Variants in CLMP observed in about 807,000 individuals in gnomAD.
CLMP encodes CXADR-like membrane protein.
CLMP carries 27 observed loss-of-function variants against 45.2 expected under a neutral mutation model. The observed-to-expected ratio is 0.60, with a 90% CI of 0.44 to 0.82. The LOEUF is 0.82. CLMP is among the 40% of genes least tolerant of loss of function. The pLI is 0.00. For missense variants in CLMP, 403 were observed against 448.4 expected (o/e 0.90, Z 0.91); for synonymous variants, 167 against 171.4 (o/e 0.97, Z 0.20).
At chr11:123,090,107 T>C (rs561722488) in intron 2 of CLMP, among the ~76,000 whole-genome samples, 1 of 147,610 alleles carries the variant, frequency 6.8e-6, no homozygotes, top group Non-Finnish European at 1.5e-5. Context: ...AAAAAAAAAA[T>C]TTCTTATCAT....
chr11:123,163,661 C>T (rs1861515984), intron 1 of CLMP, among the ~76,000 whole-genome samples: 1 of 152,172 alleles, frequency 6.6e-6, no homozygotes, highest in Non-Finnish European at 1.5e-5. Context: ...ACCACTGGCC[C>T]CTAGGGCCTG....
rs1861216554 is a variant in CLMP, at chr11:123,144,958, T to C, written c.29-47006A>G. On this transcript the variant is annotated intron_variant, in intron 1 of 6. Coordinates refer to ENST00000448775, the MANE Select transcript of CLMP (RefSeq NM_024769.5). ...CGAGTGCTGCACCAGCCACTACATGTGGCAATGGAGCAATTGAAATGTGGC... is the reference window on the plus strand; with the variant it reads ...CGAGTGCTGCACCAGCCACTACATGCGGCAATGGAGCAATTGAAATGTGGC... Among the ~76,000 whole-genome samples the C allele has an allele frequency of 3.3e-5, 5 of 152,070 alleles. No homozygotes were observed. In the South Asian group the frequency reaches 6.2e-4, roughly 19 times the overall value.
intron 5 of CLMP, among the ~76,000 whole-genome samples, chr11:123,077,905 G>A (rs1865758534): frequency 6.6e-6 from 1 of 152,070 alleles, no homozygotes; most frequent in Non-Finnish European, 1.5e-5. Flanking sequence ...CCAGGAGTTC[G>A]AGACCAGCCT....
intron 1 of CLMP, among the ~76,000 whole-genome samples, chr11:123,190,360 C>T (rs1165994897): frequency 1.3e-5 from 2 of 152,120 alleles, no homozygotes; most frequent in Admixed American, 1.3e-4. Context: ...CAGGGTAACA[C>T]CCATCTGTTC....
chr11:123,114,433 T>TCCCTCCCTCCCC (rs1860691257), intron 1 of CLMP, among the ~76,000 whole-genome samples: 1 of 91,406 alleles, frequency 1.1e-5, no homozygotes, highest in African/African-American at 4.1e-5. Flanking sequence ...TTTCCCTCCC[T>TCCCTCCCTCCCC]CCCTCCCTCC....
intron 1 of CLMP, among the ~76,000 whole-genome samples, chr11:123,144,461 T>G (rs1367347543): frequency 6.6e-6 from 1 of 152,172 alleles, no homozygotes; most frequent in Non-Finnish European, 1.5e-5. Flanking sequence ...AACCTCCGCC[T>G]CCTGGGTTCA....
intron 1 of CLMP, among the ~76,000 whole-genome samples, chr11:123,133,679 G>C (rs146058561): frequency 9.9e-4 from 150 of 152,216 alleles, no homozygotes; most frequent in African/African-American, 3.3e-3. Flanking sequence ...ATCTGAGAAA[G>C]AGCAGGTGCA....
At chr11:123,150,534 A>AGGAAGGAAGGAAGGAAGGAAGG (rs755274349) in intron 1 of CLMP, among the ~76,000 whole-genome samples, 1 of 116,258 alleles carries the variant, frequency 8.6e-6, no homozygotes, top group African/African-American at 3.5e-5. Context: ...GAAGGAAAGA[A>AGGAAGGAAGGAAGGAAGGAAGG]ACAAGCAAGG....
At chr11:123,194,008 T>C (rs1346270507) in intron 1 of CLMP, among the ~76,000 whole-genome samples, 1 of 152,136 alleles carries the variant, frequency 6.6e-6, no homozygotes, top group Non-Finnish European at 1.5e-5. Context: ...CATAGTGACG[T>C]GCCCTTGGCT....
intron 1 of CLMP, among the ~76,000 whole-genome samples, chr11:123,190,815 T>C (rs1431134526): frequency 2.6e-5 from 4 of 152,248 alleles, no homozygotes. Flanking sequence ...AGCTGTGATC[T>C]TGAAGCTTAA....
rs563327078 is a variant in CLMP, at chr11:123,072,591, G to T, written c.*883C>A. The T allele has an allele frequency of 3.3e-5, 5 of 152,240 alleles. No homozygotes were observed. The East Asian group carries it at 7.7e-4, about 24-fold the overall frequency. The allele number at this position is 152,240 out of a possible 1,614,324, so 9.4% of individuals were successfully genotyped here. A position where few individuals can be genotyped will look rare whatever the true frequency, so the allele number is the denominator to read the frequency against. On this transcript the variant is annotated 3_prime_UTR_variant, in exon 7 of 7. Transcript: ENST00000448775. ...TTCCTAGATCCCTTTTTCTCTAGAA[G>T]AATTCTTTCTAAGGACGTTGATAAA...
chr11:123,151,310 T>C (rs1231546417), intron 1 of CLMP, among the ~76,000 whole-genome samples: 4 of 152,262 alleles, frequency 2.6e-5, no homozygotes, highest in African/African-American at 4.8e-5. Flanking sequence ...GGCTGTCACC[T>C]GAAGTGACCT....
intron 1 of CLMP, chr11:123,136,325 A>G: frequency 1.6e-6 from 1 of 617,204 alleles, no homozygotes; most frequent in African/African-American, 1.8e-5. Flanking sequence ...AGTTAAATCC[A>G]ACACTTCGTA....
intron 1 of CLMP, among the ~76,000 whole-genome samples, chr11:123,115,600 G>A (rs908569243): frequency 1.3e-5 from 2 of 151,922 alleles, no homozygotes; most frequent in Non-Finnish European, 2.9e-5. Flanking sequence ...AAAAAAATCT[G>A]TGCTGTTAGA....
intron 1 of CLMP, among the ~76,000 whole-genome samples, chr11:123,162,224 G>T (rs943949509): frequency 4.6e-5 from 7 of 152,190 alleles, no homozygotes; most frequent in Non-Finnish European, 1.0e-4. Context: ...TAGATGAGCA[G>T]AAGGACCCGA....
intron 1 of CLMP, among the ~76,000 whole-genome samples, chr11:123,109,099 G>T (rs954719681): frequency 5.3e-5 from 8 of 150,664 alleles, no homozygotes; most frequent in African/African-American, 1.9e-4. Context: ...GAAAAAAAAT[G>T]GTTGAGTTGC....
chr11:123,074,434 G>C (rs1043019007), intron 6 of CLMP, among the ~76,000 whole-genome samples: 3 of 151,864 alleles, frequency 2.0e-5, no homozygotes, highest in African/African-American at 7.3e-5. Context: ...CTCCCGCCTC[G>C]GCCTCCCAAA....
intron 1 of CLMP, among the ~76,000 whole-genome samples, chr11:123,173,779 C>CA (rs944312910): frequency 5.3e-5 from 8 of 151,274 alleles, no homozygotes; most frequent in South Asian, 2.1e-4. Flanking sequence ...TTCACCACAT[C>CA]AAAAAAAAAT....
intron 1 of CLMP, among the ~76,000 whole-genome samples, chr11:123,169,369 GT>G (rs1043633826): frequency 6.6e-6 from 1 of 152,168 alleles, no homozygotes; most frequent in Non-Finnish European, 1.5e-5. Flanking sequence ...GCAGATCTGG[GT>G]TTTTTTAGCG....
Sources: gnomAD v4.1 joint callset for allele counts (sites outside exome capture counted in the v4.1 genomes callset) on GRCh38, gnomAD v4.1.1 for gene constraint, MANE v1.5 for transcripts, NCBI Gene and HGNC (gene_info 2026-07-23, HGNC 2026-07-21) for gene names.